Variants in CRYBG2 observed in about 807,000 individuals in gnomAD.
CRYBG2 encodes crystallin beta-gamma domain containing 2.
Under a neutral mutation model 153.4 loss-of-function variants are expected in CRYBG2, and 106 were observed. The ratio of observed to expected loss-of-function variants is 0.69; its 90% CI spans 0.59 to 0.81. The LOEUF is 0.81. Ranked by LOEUF, CRYBG2 falls within the 30% of genes least tolerant of loss-of-function variation. The probability of loss-of-function intolerance (pLI) is 0.00; values close to 1 mark genes in which losing one functional copy is unlikely to be tolerated. For missense variants in CRYBG2, 1,996 were observed against 2,112.0 expected (o/e 0.95, Z 1.08); for synonymous variants, 851 against 877.8 (o/e 0.97, Z 0.54).
rs555616952 is a variant in CRYBG2, at chr1:26,322,252, C to A, written c.4809G>T (p.Glu1603Asp). The A allele has an allele frequency of 6.6e-4, 1,059 of 1,614,094 alleles. 19 individuals carry two copies. The South Asian group carries it at 0.011, about 17-fold the overall frequency. The change falls in exon 19 of 20, where the codon GAG (glutamate) becomes GAT (aspartate). Residue 1603 changes from glutamate (E) to aspartate (D), a missense_variant. By Grantham distance (45) the Glu-to-Asp change is conservative. Coordinates refer to ENST00000308182, the MANE Select transcript of CRYBG2 (RefSeq NM_001039775.4). ...SPGSKVVLWAESRLPRQTWSI... is the reference protein window; with the variant it reads ...SPGSKVVLWADSRLPRQTWSI... The stretch of plus-strand genomic sequence containing the variant: ...TCCACGTCTGGCGCGGCAGGCGGCT[C>A]TCGGCCCACAGCACCACCTTGGAGC...
Position 26,343,345 on chromosome 1 carries a change from C to T in CRYBG2, c.2914-52G>A. 6.5e-7 allele frequency: 1 copy of T among 1,535,800 alleles called. No homozygotes were observed. The highest frequency in any genetic ancestry group is 8.8e-7 in the Non-Finnish European group (1 of 1,133,980). ...GTCCTGTGGGGTCACCTCTTTTCTG[C>T]CTCCCCACAACCCGCCATTCCAAGG... On this transcript the variant is annotated intron_variant, in intron 2 of 19. Transcript: ENST00000308182. The surrounding 1 kb of genome is among the most constrained non-coding windows in gnomAD (Gnocchi z 4.1).
Position 26,344,452 on chromosome 1 carries a change from A to G in CRYBG2, c.2206T>C (p.Ser736Pro). 2 of 1,526,826 alleles carry G rather than the reference A, an allele frequency of 1.3e-6. No homozygotes were observed. The highest frequency in any genetic ancestry group is 2.5e-5 in the East Asian group (1 of 40,638). The allele number at this position is 1,526,826 out of a possible 1,614,324, so 94.6% of individuals were successfully genotyped here. Residue 736 changes from serine (S) to proline (P), a missense_variant, in exon 2 of 20, where the codon TCC (serine) becomes CCC (proline). Ser to Pro is a moderately conservative substitution (Grantham distance 74, BLOSUM62 -1). Transcript: ENST00000308182. ...VPTGAEASTE[S>P]QLVSDPTEGK... ...TCGGTGGGATCAGAGACAAGCTGGG[A>G]CTCCGTGCTGGCCTCTGCTCCTGTT... is the stretch of plus-strand genomic sequence containing the variant.
intron 18 of CRYBG2, 100 bp downstream of exon 18, chr1:26,324,052 T>A (rs1361197226): frequency 1.5e-6 from 2 of 1,315,028 alleles, no homozygotes; most frequent in East Asian, 4.7e-5. Flanking sequence ...CTGGCTTCTG[T>A]GTGCATCCCT....
At position 26,337,566 on chromosome 1, in the gene CRYBG2, C is replaced by T. The variant is rs925746895; in HGVS notation, c.3616G>A (p.Val1206Met). 3.1e-6 allele frequency: 5 copies of T among 1,612,808 alleles called. No homozygotes were observed. The African/African-American group carries it at 6.7e-5, about 22-fold the overall frequency. ...CCTCCGAGAACTCTCAGGGACCCCA[C>T]AGAGGCCAGGTGGGGGCTCTGGCTG... Reference protein sequence around the residue: ...EDSQSPHLASVGSLRVLGGCW... With the variant: ...EDSQSPHLASMGSLRVLGGCW... Residue 1206 changes from valine (V) to methionine (M), a missense_variant, in exon 9 of 20, where the codon GTG (valine) becomes ATG (methionine). Val to Met is a conservative substitution (Grantham distance 21). Coordinates refer to ENST00000308182, the MANE Select transcript of CRYBG2 (RefSeq NM_001039775.4).
intron 5 of CRYBG2, among the ~76,000 whole-genome samples, chr1:26,342,136 C>A (rs1292240103): frequency 1.3e-5 from 2 of 152,122 alleles, no homozygotes; most frequent in African/African-American, 4.8e-5. Context: ...TGACTGGGGG[C>A]CTGCATGCTG....
chr1:26,352,017 C>T (rs943906828), intron 1 of CRYBG2, among the ~76,000 whole-genome samples: 1 of 150,956 alleles, frequency 6.6e-6, no homozygotes, highest in East Asian at 1.9e-4. Context: ...CCAAACAAGG[C>T]GTGTGGAGCT....
intron 16 of CRYBG2, 84 bp downstream of exon 16, chr1:26,328,650 G>A: frequency 6.6e-7 from 1 of 1,514,456 alleles, no homozygotes; most frequent in African/African-American, 1.4e-5. Flanking sequence ...AGGGGAAAGA[G>A]GCCAGAGACC....
At chr1:26,349,002 C>G (rs1202894321) in intron 1 of CRYBG2, among the ~76,000 whole-genome samples, 1 of 151,828 alleles carries the variant, frequency 6.6e-6, no homozygotes, top group African/African-American at 2.4e-5. Flanking sequence ...AACCTAGTCT[C>G]TACTAAAAAT....
Position 26,328,750 on chromosome 1 carries a change from G to T in CRYBG2, c.4438C>A (p.Arg1480=). 2.5e-6 allele frequency: 4 copies of T among 1,613,642 alleles called. No individual in the cohort carries two copies. The highest frequency in any genetic ancestry group is 3.4e-6 in the Non-Finnish European group (4 of 1,179,858). ...EGFNNHVLSV[R]IKGGIWVLCE... is the part of the protein sequence containing the mutation. ...AGCACTCACATGCCCCCCTTGATCC[G>T]CACAGACAGCACATGGTTGTTGAAG... Residue 1480 remains arginine, a synonymous_variant, in exon 16 of 20, where the codon CGG becomes AGG. Coordinates refer to ENST00000308182, the MANE Select transcript of CRYBG2 (RefSeq NM_001039775.4).
chr1:26,342,673 A>G (rs1334480140), intron 5 of CRYBG2, 81 bp downstream of exon 5: 2 of 1,556,736 alleles, frequency 1.3e-6, no homozygotes, highest in Non-Finnish European at 1.7e-6. Flanking sequence ...TGCTGGCATT[A>G]CAGGCGTGAG....
chr1:26,338,140 A>G (rs929944152), intron 7 of CRYBG2, 93 bp from the exon 8 acceptor site: 2 of 1,511,238 alleles, frequency 1.3e-6, no homozygotes, highest in Non-Finnish European at 1.8e-6. Flanking sequence ...GAGAACCCCA[A>G]CCCCATGTCT....
chr1:26,344,503 G>A lies in CRYBG2; in HGVS notation c.2155C>T (p.Pro719Ser), dbSNP rs1295270907. Residue 719 changes from proline (P) to serine (S), a missense_variant, in exon 2 of 20, where the codon CCA (proline) becomes TCA (serine). Coordinates refer to ENST00000308182, the MANE Select transcript of CRYBG2 (RefSeq NM_001039775.4). ...GGCACTGGGGCAGGGGTGCCTCCTGGGCTGGGGGACACCCTGTCCACTGAG... is the reference window on the plus strand; with the variant it reads ...GGCACTGGGGCAGGGGTGCCTCCTGAGCTGGGGGACACCCTGTCCACTGAG... The part of the protein sequence containing the change: ...SSSVDRVSPS[P>S]GGTPAPVPTG... The A allele has an allele frequency of 1.3e-6, 2 of 1,546,954 alleles. No individual in the cohort carries two copies. The highest frequency in any genetic ancestry group is 1.2e-5 in the South Asian group (1 of 83,772).
chr1:26,335,989 G>T, intron 14 of CRYBG2, 106 bp downstream of exon 14: 3 of 940,024 alleles, frequency 3.2e-6, no homozygotes, highest in East Asian at 2.7e-5. Context: ...AGACAGAACA[G>T]TTCATCGCAA....
At position 26,336,125 on chromosome 1, in the gene CRYBG2, C is replaced by A. The variant is rs747557629; in HGVS notation, c.4154G>T (p.Arg1385Leu). The A allele has an allele frequency of 2.4e-5, 36 of 1,518,106 alleles. No individual in the cohort carries two copies. Among genetic ancestry groups the A allele is most frequent in the Admixed American group, 6.1e-5 (3 of 49,010 alleles). The allele number at this position is 1,518,106 out of a possible 1,614,324, so 94.0% of individuals were successfully genotyped here. A position where few individuals can be genotyped will look rare whatever the true frequency, so the allele number is the denominator to read the frequency against. The change falls in exon 14 of 20, where the codon CGA (arginine) becomes CTA (leucine). Residue 1385 changes from arginine to leucine, a missense_variant. By Grantham distance (102) the Arg-to-Leu change is moderately radical. Coordinates refer to ENST00000308182, the MANE Select transcript of CRYBG2 (RefSeq NM_001039775.4). The surrounding 1 kb of genome is among the most constrained non-coding windows in gnomAD (Gnocchi z 4.9). ...DDQAALPASF[R>L]PQSCRVHGGS... Reference sequence around the variant, plus strand: ...GCCGTGGACCCGGCAGGACTGAGGTCGGAAGGAGGCGGGCAGAGCGGCCTG... The same window carrying A: ...GCCGTGGACCCGGCAGGACTGAGGTAGGAAGGAGGCGGGCAGAGCGGCCTG...
intron 15 of CRYBG2, 133 bp from the exon 16 acceptor site, chr1:26,329,006 G>T: frequency 8.8e-7 from 1 of 1,130,450 alleles, no homozygotes. Context: ...GTTCTGCAGG[G>T]CCACTGATTC....
chr1:26,353,992 G>A (rs1211100505), intron 1 of CRYBG2, 44 bp downstream of exon 1: 5 of 399,230 alleles, frequency 1.3e-5, no homozygotes, highest in African/African-American at 4.1e-5. Flanking sequence ...TCAAGACAGG[G>A]CAGCCAGGCC....
At position 26,344,946 on chromosome 1, in the gene CRYBG2, G is replaced by A. The variant is rs1228793799; in HGVS notation, c.1712C>T (p.Ala571Val). 3.3e-6 allele frequency: 5 copies of A among 1,538,128 alleles called. No individual in the cohort carries two copies. Among genetic ancestry groups the A allele is most frequent in the Middle Eastern group, 1.7e-4 (1 of 6,008 alleles). The change falls in exon 2 of 20, where the codon GCT becomes GTT. Residue 571 changes from alanine (A) to valine (V), a missense_variant. By Grantham distance (64) the Ala-to-Val change is moderately conservative (BLOSUM62 0). Coordinates refer to ENST00000308182, the MANE Select transcript of CRYBG2 (RefSeq NM_001039775.4). ...TQKEVVQGSG[A>V]PAALSTTPKE... ...TGGGGTGGTGGACAAGGCAGCAGGA[G>A]CACCAGACCCCTGCACCACCTCCTT... is the stretch of plus-strand genomic sequence containing the variant.
Position 26,322,183 on chromosome 1 carries a change from G to A in CRYBG2, c.4878C>T (p.Gly1626=). The change falls in exon 19 of 20, where the codon GGC becomes GGT. Residue 1626 remains glycine, a synonymous_variant. Coordinates refer to ENST00000308182, the MANE Select transcript of CRYBG2 (RefSeq NM_001039775.4). ...CCTTACCCTTCACGTCCAGGATCTG[G>A]CCTTCGAACATCTGGCTGCAGATGT... ...SGHICSQMFE[G]QILDVKGGRG... 1.9e-6 allele frequency: 3 copies of A among 1,614,040 alleles called. No homozygotes were observed. The highest frequency in any genetic ancestry group is 2.5e-6 in the Non-Finnish European group (3 of 1,179,902).
At position 26,344,072 on chromosome 1, in the gene CRYBG2, A is replaced by G; in HGVS notation, c.2586T>C (p.Pro862=). The G allele has an allele frequency of 6.5e-7, 1 of 1,536,138 alleles. No individual in the cohort carries two copies. Among genetic ancestry groups the G allele is most frequent in the Non-Finnish European group, 8.7e-7 (1 of 1,146,894 alleles). The change falls in exon 2 of 20, where the codon CCT becomes CCC. Residue 862 remains proline, a synonymous_variant. Transcript: ENST00000308182. ...AGPSPSRDLH[P]ARPTQVSCSP... ...AGCAGGAGACCTGGGTGGGTCTGGC[A>G]GGGTGGAGGTCCCTGGAGGGGCTGG... is the stretch of plus-strand genomic sequence containing the variant.
Sources: gnomAD v4.1 joint callset for allele counts (sites outside exome capture counted in the v4.1 genomes callset) on GRCh38, gnomAD v4.1.1 for gene constraint, Gnocchi (gnomAD v3.1) non-coding constraint, MANE v1.5 for transcripts, NCBI Gene and HGNC (gene_info 2026-07-23, HGNC 2026-07-21) for gene names.